Variants in SNTG1 observed in about 807,000 individuals in gnomAD.
SNTG1 encodes syntrophin gamma 1, also known as gamma-1-syntrophin.
A neutral mutation model predicts 74.7 loss-of-function variants in SNTG1; 39 were observed. That is an observed-to-expected ratio of 0.52 (90% confidence interval 0.40 to 0.68). The LOEUF is 0.68. Among genes scored for constraint, SNTG1 ranks in the 30% least tolerant of loss-of-function variants. SNTG1 has a pLI of 0.00. For missense variants in SNTG1, 685 were observed against 609.5 expected (o/e 1.12, Z -1.30); for synonymous variants, 254 against 217.1 (o/e 1.17, Z -1.49).
chr8:50,758,920 T>C (rs1474877477), intron 18 of SNTG1, among the ~76,000 whole-genome samples: 1 of 152,130 alleles, frequency 6.6e-6, no homozygotes, highest in Non-Finnish European at 1.5e-5. Flanking sequence ...ATGTTTGAAC[T>C]AATTTACACT....
At chr8:50,369,594 C>T (rs929190640) in intron 2 of SNTG1, among the ~76,000 whole-genome samples, 2 of 136,290 alleles carry the variant, frequency 1.5e-5, no homozygotes, top group African/African-American at 5.7e-5. Flanking sequence ...AAAACTCCGT[C>T]CCAAAAAGAA....
chr8:50,674,608 A>C (rs901234344), intron 15 of SNTG1, among the ~76,000 whole-genome samples: 3 of 151,356 alleles, frequency 2.0e-5, no homozygotes, highest in Admixed American at 1.3e-4. Context: ...TTGTTTTTTC[A>C]AAAAACCAGC....
chr8:50,633,197 A>T (rs1032706224), intron 13 of SNTG1, among the ~76,000 whole-genome samples: 1 of 152,134 alleles, frequency 6.6e-6, no homozygotes, highest in African/African-American at 2.4e-5. Flanking sequence ...ATAGGAAGAG[A>T]ATTGAAAAGT....
At chr8:50,343,059 A>G (rs1037811291) in intron 2 of SNTG1, among the ~76,000 whole-genome samples, 5 of 152,220 alleles carry the variant, frequency 3.3e-5, no homozygotes, top group African/African-American at 1.2e-4. Context: ...ACAGAGATAC[A>G]CAAATCAAAA....
Position 50,484,277 on chromosome 8 carries a change from A to G in SNTG1, c.364-18501A>G, listed in dbSNP as rs537102491. ...GTTGCCCAGGCTGGAGAGCAATGGC[A>G]CAGTCTCAGCTCACTGTAACCTCCA... is the stretch of plus-strand genomic sequence containing the variant. On this transcript the variant is annotated intron_variant, in intron 8 of 18. Transcript: ENST00000642720. Among the ~76,000 whole-genome samples the G allele has an allele frequency of 1.4e-5, 2 of 146,442 alleles. 1 individual carries two copies. The highest frequency in any genetic ancestry group is 4.3e-4 in the South Asian group (2 of 4,676).
chr8:50,603,919 G>A (rs902694007), intron 13 of SNTG1, among the ~76,000 whole-genome samples: 3 of 152,140 alleles, frequency 2.0e-5, no homozygotes, highest in Admixed American at 6.6e-5. Flanking sequence ...GGTCAAACCC[G>A]AAGCCAGCAG....
intron 9 of SNTG1, among the ~76,000 whole-genome samples, chr8:50,529,912 TA>T (rs2094252661): frequency 1.3e-5 from 2 of 151,904 alleles, no homozygotes; most frequent in Non-Finnish European, 2.9e-5. Flanking sequence ...TAATACTTTT[TA>T]TAAGGCTGTA....
At chr8:50,682,144 G>A (rs796350553) in intron 15 of SNTG1, among the ~76,000 whole-genome samples, 4 of 152,262 alleles carry the variant, frequency 2.6e-5, no homozygotes, top group African/African-American at 9.6e-5. Context: ...ATAGAAGGGT[G>A]TGACTTGCAG....
chr8:50,062,093 G>A (rs930787827), intron 1 of SNTG1, among the ~76,000 whole-genome samples: 6 of 152,242 alleles, frequency 3.9e-5, no homozygotes, highest in Admixed American at 2.6e-4. Flanking sequence ...ACCCAGACTG[G>A]AGTACAGTGG....
At chr8:50,191,031 A>G (rs1309509051) in intron 2 of SNTG1, among the ~76,000 whole-genome samples, 2 of 152,208 alleles carry the variant, frequency 1.3e-5, no homozygotes, top group African/African-American at 4.8e-5. Flanking sequence ...TTTTTCTTTC[A>G]CTGGTCTTCT....
intron 13 of SNTG1, among the ~76,000 whole-genome samples, chr8:50,591,411 A>G (rs896272606): frequency 1.3e-5 from 2 of 152,188 alleles, no homozygotes; most frequent in African/African-American, 2.4e-5. Flanking sequence ...CTAAATATCT[A>G]TGATAGCTAT....
intron 1 of SNTG1, among the ~76,000 whole-genome samples, chr8:50,010,700 G>A (rs1454394357): frequency 6.6e-6 from 1 of 151,140 alleles, no homozygotes; most frequent in East Asian, 1.9e-4. Flanking sequence ...CATCCCCGTA[G>A]GTATACTCAG....
At chr8:50,142,799 T>G (rs2081715176) in intron 1 of SNTG1, among the ~76,000 whole-genome samples, 2 of 152,260 alleles carry the variant, frequency 1.3e-5, no homozygotes, top group African/African-American at 4.8e-5. Flanking sequence ...ATGACCAGTG[T>G]GGTGGCTTAC....
intron 18 of SNTG1, among the ~76,000 whole-genome samples, chr8:50,763,952 C>G (rs981918886): frequency 1.4e-5 from 2 of 138,108 alleles, no homozygotes; most frequent in Admixed American, 1.5e-4. Flanking sequence ...GGAATTAAAA[C>G]AGCAGAATAC....
intron 2 of SNTG1, among the ~76,000 whole-genome samples, chr8:50,259,515 AGAAAGAAAGAAAGAAAGAAAGAAAG>A (rs1563810313): frequency 0.011 from 414 of 37,440 alleles, 76 homozygotes; most frequent in African/African-American, 0.023. Flanking sequence ...AAAAAAAGAA[AGAAAGAAAGAAAGAAAGAAAGAAAG>A]AAAGAAAGAA....
chr8:50,768,471 T>C (rs4422788), intron 18 of SNTG1, among the ~76,000 whole-genome samples: 66,110 of 151,900 alleles, frequency 0.44, 16,610 homozygotes, highest in African/African-American at 0.7. Context: ...AGAAGATGGC[T>C]GGTAATCTAA....
chr8:50,352,547 C>T (rs1451826591), intron 2 of SNTG1, among the ~76,000 whole-genome samples: 1 of 152,062 alleles, frequency 6.6e-6, no homozygotes, highest in African/African-American at 2.4e-5. Flanking sequence ...TGCGCCACCA[C>T]ACCTGGCTAA....
intron 4 of SNTG1, among the ~76,000 whole-genome samples, chr8:50,418,765 C>T (rs575568854): frequency 2.1e-4 from 32 of 152,186 alleles, no homozygotes; most frequent in Admixed American, 1.3e-3. Context: ...CCCTTCACAA[C>T]GTTTCCTATC....
chr8:50,160,978 G>A (rs1365502717), intron 1 of SNTG1, among the ~76,000 whole-genome samples: 1 of 152,124 alleles, frequency 6.6e-6, no homozygotes, highest in Admixed American at 6.5e-5. Context: ...GACCACTGCT[G>A]CAAAGAGAGG....
Sources: gnomAD v4.1 joint callset for allele counts (sites outside exome capture counted in the v4.1 genomes callset) on GRCh38, gnomAD v4.1.1 for gene constraint, MANE v1.5 for transcripts, NCBI Gene and HGNC (gene_info 2026-07-23, HGNC 2026-07-21) for gene names.